SLIT3: variants seen among roughly 807,000 people sequenced by gnomAD.
The protein encoded by SLIT3 is slit guidance ligand 3, also known as slit homolog 3 protein.
Under a neutral mutation model 184.0 loss-of-function variants are expected in SLIT3, and 68 were observed. That is an observed-to-expected ratio of 0.37 (90% CI 0.30 to 0.45). The LOEUF (loss-of-function observed/expected upper bound fraction) is 0.45, where lower values mean the gene tolerates loss of function less well. Ranked by LOEUF, SLIT3 falls within the 20% of genes least tolerant of loss-of-function variation. The pLI, the probability that SLIT3 is intolerant of heterozygous loss-of-function variation, is 1.00. For missense variants in SLIT3, 1,707 were observed against 2,026.0 expected, an observed-to-expected ratio of 0.84 and a Z score of 3.02; for synonymous variants, 831 against 828.6, an observed-to-expected ratio of 1.00 and a Z score of -0.05.
chr5:168,890,186 C>CTCCGT (rs1760396178), intron 4 of SLIT3, among the ~76,000 whole-genome samples: 1 of 148,602 alleles, frequency 6.7e-6, no homozygotes, highest in Admixed American at 6.7e-5. Context: ...TTCACTGTTT[C>CTCCGT]TCCGTTTTAT....
chr5:169,138,869 T>C (rs1477612425), intron 4 of SLIT3, among the ~76,000 whole-genome samples: 4 of 152,198 alleles, frequency 2.6e-5, no homozygotes, highest in Non-Finnish European at 4.4e-5. Context: ...CATGGGGAAA[T>C]TGTTCGAAGT....
intron 4 of SLIT3, among the ~76,000 whole-genome samples, chr5:169,184,998 C>T (rs564169440): frequency 1.3e-5 from 2 of 152,272 alleles, no homozygotes; most frequent in Admixed American, 6.5e-5. Flanking sequence ...GTGGCAAGTC[C>T]GCAGGCTTCT....
At chr5:168,735,518 A>C (rs1305583227) in intron 20 of SLIT3, among the ~76,000 whole-genome samples, 1 of 152,154 alleles carries the variant, frequency 6.6e-6, no homozygotes, top group Non-Finnish European at 1.5e-5. Flanking sequence ...GTCACCTGTA[A>C]AACAAAGCTT....
At chr5:169,018,579 C>A (rs191687114) in intron 4 of SLIT3, 1 of 152,324 alleles carries the variant, frequency 6.6e-6, no homozygotes, top group African/African-American at 2.4e-5. Flanking sequence ...GGCACATTTC[C>A]ATGCCGAGAA....
chr5:168,938,362 T>C (rs1400430218), intron 4 of SLIT3, among the ~76,000 whole-genome samples: 2 of 152,218 alleles, frequency 1.3e-5, no homozygotes, highest in African/African-American at 4.8e-5. Flanking sequence ...GACATCAGTA[T>C]GTGAGAGAAA....
intron 4 of SLIT3, chr5:169,026,563 A>G (rs1756832205): frequency 6.6e-6 from 1 of 151,142 alleles, no homozygotes; most frequent in Non-Finnish European, 1.5e-5. Flanking sequence ...ATTGATATGG[A>G]AAGATGCCCA....
intron 6 of SLIT3, among the ~76,000 whole-genome samples, chr5:168,839,999 G>T (rs1758187641): frequency 6.6e-6 from 1 of 152,204 alleles, no homozygotes; most frequent in Non-Finnish European, 1.5e-5. Context: ...CCTGCTCTCT[G>T]GGTCTTAATC....
At chr5:168,755,737 G>C (rs945652840) in intron 16 of SLIT3, among the ~76,000 whole-genome samples, 8 of 152,114 alleles carry the variant, frequency 5.3e-5, no homozygotes, top group African/African-American at 1.9e-4. Context: ...TGCCTGGCTG[G>C]TGCTGCCATT....
At chr5:168,930,088 G>C (rs1019911892) in intron 4 of SLIT3, among the ~76,000 whole-genome samples, 1 of 152,214 alleles carries the variant, frequency 6.6e-6, no homozygotes, top group Non-Finnish European at 1.5e-5. Context: ...GGTCTCACCT[G>C]CATTCCTGGG....
At chr5:169,113,658 C>CTTTTTTTTTTTTTTTT (rs869209479) in intron 4 of SLIT3, among the ~76,000 whole-genome samples, 1 of 131,420 alleles carries the variant, frequency 7.6e-6, no homozygotes, top group Non-Finnish European at 1.6e-5. Context: ...TTTTCTTTTT[C>CTTTTTTTTTTTTTTTT]TTTTTTTTTT....
At chr5:168,909,914 C>A (rs1761199429) in intron 4 of SLIT3, among the ~76,000 whole-genome samples, 1 of 152,202 alleles carries the variant, frequency 6.6e-6, no homozygotes, top group African/African-American at 2.4e-5. Context: ...TTAGAGAAAC[C>A]TTTCTGTCTC....
intron 4 of SLIT3, among the ~76,000 whole-genome samples, chr5:168,973,602 C>G (rs1040044300): frequency 6.6e-6 from 1 of 152,164 alleles, no homozygotes; most frequent in Admixed American, 6.5e-5. Context: ...GCTTGTAATT[C>G]ATCCATTTAA....
At chr5:168,732,670 T>G (rs1763323125) in intron 20 of SLIT3, among the ~76,000 whole-genome samples, 1 of 151,900 alleles carries the variant, frequency 6.6e-6, no homozygotes, top group South Asian at 2.1e-4. Context: ...AAAGCCACAT[T>G]CCTACAACTA....
intron 1 of SLIT3, chr5:169,263,636 C>G (rs890116781): frequency 2.0e-5 from 10 of 497,000 alleles, no homozygotes; most frequent in Non-Finnish European, 3.6e-5. Flanking sequence ...ATACGCCCAA[C>G]GTTCAGGCTT....
chr5:169,072,708 C>A (rs751226863), intron 4 of SLIT3, among the ~76,000 whole-genome samples: 1 of 152,164 alleles, frequency 6.6e-6, no homozygotes, highest in African/African-American at 2.4e-5. Context: ...GGCCCAGCCA[C>A]GGAAGACAGA....
intron 4 of SLIT3, among the ~76,000 whole-genome samples, chr5:169,109,407 C>G (rs964004192): frequency 6.6e-6 from 1 of 152,178 alleles, no homozygotes; most frequent in Non-Finnish European, 1.5e-5. Context: ...AGATTCTTCC[C>G]CAGTCAAGCC....
intron 1 of SLIT3, among the ~76,000 whole-genome samples, chr5:169,295,032 C>T (rs1032363580): frequency 1.6e-4 from 24 of 152,194 alleles, no homozygotes; most frequent in Admixed American, 1.4e-3. Context: ...TGAGTGAGTG[C>T]TGAGTGAATG....
chr5:168,798,543 G>C (rs56002511), intron 9 of SLIT3, among the ~76,000 whole-genome samples: 4,250 of 152,136 alleles, frequency 0.028, 229 homozygotes, highest in African/African-American at 0.098. Context: ...TTTCATTCTT[G>C]TCTGCAGTTA....
intron 12 of SLIT3, among the ~76,000 whole-genome samples, chr5:168,777,103 A>ACT (rs1755788136): frequency 2.7e-3 from 32 of 11,856 alleles, no homozygotes; most frequent in South Asian, 7.2e-3. Flanking sequence ...ACACACACAC[A>ACT]CACCCCCCAT....
Sources: allele counts gnomAD v4.1 joint callset (sites outside exome capture counted in the v4.1 genomes callset), GRCh38; gene constraint gnomAD v4.1.1; transcripts MANE v1.5; gene names NCBI Gene and HGNC (gene_info 2026-07-23, HGNC 2026-07-21).